Variants in RBFOX1 observed in about 807,000 individuals in gnomAD.
The protein encoded by RBFOX1 is RNA binding fox-1 homolog 1.
RBFOX1 carries 8 observed loss-of-function variants against 57.7 expected under a neutral mutation model. The observed-to-expected ratio is 0.14, with a 90% CI of 0.08 to 0.25. The LOEUF is 0.25. Among genes scored for constraint, RBFOX1 ranks in the 10% least tolerant of loss-of-function variants. RBFOX1 has a pLI of 1.00. For synonymous variants in RBFOX1, 326 were observed against 222.4 expected (o/e 1.47, Z -4.15); for missense variants, 611 against 548.5 (o/e 1.11, Z -1.14).
At chr16:6,826,044 G>C (rs1029760630) in intron 3 of RBFOX1, among the ~76,000 whole-genome samples, 1 of 152,112 alleles carries the variant, frequency 6.6e-6, no homozygotes, top group Non-Finnish European at 1.5e-5. Context: ...TGCAGAGGTG[G>C]TCCACGTTCA....
intron 4 of RBFOX1, among the ~76,000 whole-genome samples, chr16:7,391,782 A>G (rs17143537): frequency 0.023 from 3,577 of 152,252 alleles, 132 homozygotes; most frequent in African/African-American, 0.081. Flanking sequence ...AACAGTGACT[A>G]AAAGGAAGAG....
At chr16:5,907,645 C>CGAT (rs2058492835) in intron 4 of RBFOX1, among the ~76,000 whole-genome samples, 2 of 152,048 alleles carry the variant, frequency 1.3e-5, no homozygotes, top group Non-Finnish European at 2.9e-5. Context: ...GTTTTCCTGA[C>CGAT]GATGCATGTG....
At chr16:7,005,990 A>C (rs760213197) in intron 3 of RBFOX1, among the ~76,000 whole-genome samples, 20 of 152,184 alleles carry the variant, frequency 1.3e-4, no homozygotes, top group Non-Finnish European at 2.4e-4. Context: ...CAGAAAGGCA[A>C]ATCCTCTAAG....
At chr16:5,659,536 C>A (rs958423464) in intron 3 of RBFOX1, among the ~76,000 whole-genome samples, 3 of 152,170 alleles carry the variant, frequency 2.0e-5, no homozygotes, top group African/African-American at 7.2e-5. Flanking sequence ...GTCTCCTGAC[C>A]TTGTGATCCG....
At chr16:6,417,022 A>AT (rs938382932) in intron 2 of RBFOX1, among the ~76,000 whole-genome samples, 7 of 151,320 alleles carry the variant, frequency 4.6e-5, no homozygotes, top group Admixed American at 2.6e-4. Flanking sequence ...CTTTCTTTTT[A>AT]TTTTTTTGAG....
chr16:6,964,107 C>T (rs534544482), intron 3 of RBFOX1, among the ~76,000 whole-genome samples: 4 of 152,156 alleles, frequency 2.6e-5, no homozygotes, highest in African/African-American at 9.6e-5. Flanking sequence ...CAACCTCCGC[C>T]TCCCGAATCA....
At chr16:7,061,079 G>C (rs9932901) in intron 4 of RBFOX1, among the ~76,000 whole-genome samples, 107,630 of 151,518 alleles carry the variant, frequency 0.71, 38,936 homozygotes, top group East Asian at 0.91. Flanking sequence ...ACTGGCAGAA[G>C]TTTGCTTGCT....
chr16:6,294,956 A>G (rs1017883605), intron 1 of RBFOX1, among the ~76,000 whole-genome samples: 1 of 152,004 alleles, frequency 6.6e-6, no homozygotes, highest in South Asian at 2.1e-4. Flanking sequence ...TTGCTGTGTT[A>G]TTCTTCCGGA....
intron 3 of RBFOX1, among the ~76,000 whole-genome samples, chr16:6,889,902 G>C (rs911026888): frequency 6.6e-6 from 1 of 152,170 alleles, no homozygotes; most frequent in East Asian, 1.9e-4. Context: ...TTAACACATT[G>C]TATAGCATTC....
intron 4 of RBFOX1, among the ~76,000 whole-genome samples, chr16:7,122,914 A>C (rs953435970): frequency 6.6e-6 from 1 of 152,188 alleles, no homozygotes; most frequent in Non-Finnish European, 1.5e-5. Flanking sequence ...ATCTATTTCA[A>C]AAGCATTATG....
At chr16:6,981,687 A>G (rs752987737) in intron 3 of RBFOX1, among the ~76,000 whole-genome samples, 20 of 152,236 alleles carry the variant, frequency 1.3e-4, no homozygotes, top group Middle Eastern at 3.4e-3. Flanking sequence ...CTTTTATAAA[A>G]CCATCTTGTC....
chr16:6,032,445 G>A (rs1296140878), intron 1 of RBFOX1, among the ~76,000 whole-genome samples: 2 of 152,090 alleles, frequency 1.3e-5, no homozygotes, highest in South Asian at 2.1e-4. Context: ...AAGAAAGAAA[G>A]GGATCCACTC....
intron 2 of RBFOX1, among the ~76,000 whole-genome samples, chr16:6,452,919 G>T (rs1567309029): frequency 1.3e-5 from 2 of 152,152 alleles, no homozygotes; most frequent in Non-Finnish European, 2.9e-5. Flanking sequence ...CACCTAGAAG[G>T]TGCTCATTAA....
At chr16:6,909,171 G>T (rs1248882579) in intron 3 of RBFOX1, among the ~76,000 whole-genome samples, 1 of 152,158 alleles carries the variant, frequency 6.6e-6, no homozygotes, top group Non-Finnish European at 1.5e-5. Context: ...CATTTCTTCT[G>T]GAGGTTCTTT....
intron 2 of RBFOX1, among the ~76,000 whole-genome samples, chr16:5,487,837 G>C (rs2042681394): frequency 6.6e-6 from 1 of 152,104 alleles, no homozygotes; most frequent in African/African-American, 2.4e-5. Context: ...TGATGAAGTT[G>C]GTGGTCGTGG....
chr16:5,927,399 C>T (rs922878599), intron 4 of RBFOX1, among the ~76,000 whole-genome samples: 3 of 152,064 alleles, frequency 2.0e-5, no homozygotes, highest in African/African-American at 7.2e-5. Flanking sequence ...ACTCTATGTA[C>T]GAGTGATCTA....
At chr16:7,668,507 C>T (rs1166500346) in intron 13 of RBFOX1, among the ~76,000 whole-genome samples, 1 of 152,146 alleles carries the variant, frequency 6.6e-6, no homozygotes, top group Non-Finnish European at 1.5e-5. Context: ...TATTCAGGAG[C>T]TGAGCCCTGC....
At chr16:6,338,753 A>C (rs529221165) in intron 2 of RBFOX1, among the ~76,000 whole-genome samples, 2 of 152,348 alleles carry the variant, frequency 1.3e-5, no homozygotes, top group Admixed American at 6.5e-5. Context: ...TGTTTAACCA[A>C]CTTCTCAAAC....
chr16:6,004,218 T>G (rs1032476909), intron 4 of RBFOX1, among the ~76,000 whole-genome samples: 1 of 151,988 alleles, frequency 6.6e-6, no homozygotes, highest in African/African-American at 2.4e-5. Context: ...TTAAAGAAAA[T>G]AAAAAAGAAT....
Sources: allele counts gnomAD v4.1 joint callset (sites outside exome capture counted in the v4.1 genomes callset), GRCh38; gene constraint gnomAD v4.1.1; transcripts MANE v1.5; gene names NCBI Gene and HGNC (gene_info 2026-07-23, HGNC 2026-07-21).